The following GPN1 variants were observed in gnomAD, a reference collection of about 807,000 sequenced individuals.
GPN1 encodes ATP(GTP)-binding protein.
A neutral mutation model predicts 55.9 loss-of-function variants in GPN1; 44 were observed. The ratio of observed to expected loss-of-function variants is 0.79; its 90% CI spans 0.62 to 1.01. GPN1 has a LOEUF of 1.01. Ranked by LOEUF, GPN1 falls within the 50% of genes least tolerant of loss-of-function variation. The pLI, the probability that GPN1 is intolerant of heterozygous loss-of-function variation, is 0.00. For synonymous variants in GPN1, 179 were observed against 162.5 expected (o/e 1.10, Z -0.77); for missense variants, 466 against 462.8 (o/e 1.01, Z -0.06).
At chr2:27,628,526 G>C (rs1172875284), upstream of GPN1, 3 of 1,551,450 alleles carry the variant, frequency 1.9e-6, no homozygotes, top group African/African-American at 2.7e-5. Flanking sequence ...AGTGTGGAAA[G>C]CTCCCGTAGT....
chr2:27,632,653 G>A lies in GPN1; in HGVS notation c.333G>A (p.Lys111=), dbSNP rs760252894. The change falls in exon 5 of 14, where the codon AAG becomes AAA. Residue 111 remains lysine (K), a synonymous_variant. Transcript: ENST00000610189. The part of the protein sequence containing the change: ...RFDQVMKFIE[K]AQNMSKYVLI... The stretch of plus-strand genomic sequence containing the variant: ...TTTAGGTGATGAAATTTATTGAGAA[G>A]GCCCAGAACATGTCCAAGTAAGTGA... 3.1e-6 allele frequency: 5 copies of A among 1,601,188 alleles called. No individual in the cohort carries two copies. The South Asian group carries it at 5.5e-5, about 18-fold the overall frequency.
rs1282362502 is a variant in GPN1, at chr2:27,647,887, C to T, written c.983C>T (p.Thr328Ile). ...HPSDLILTRG[T>I]LDEEDEEADS... is the part of the protein sequence containing the mutation. ...TCTGATTTGATCCTGACTCGAGGAA[C>T]CTTGGATGAAGAGGATGAGGAAGCA... is the stretch of plus-strand genomic sequence containing the variant. The change falls in exon 13 of 14, where the codon ACC becomes ATC. Residue 328 changes from threonine (T) to isoleucine (I), a missense_variant. Physicochemically the swap from Thr to Ile is moderately conservative, Grantham distance 89. Coordinates refer to ENST00000610189, the MANE Select transcript of GPN1 (RefSeq NM_007266.4). 6.2e-6 allele frequency: 10 copies of T among 1,613,812 alleles called. No homozygotes were observed. The highest frequency in any genetic ancestry group is 8.5e-6 in the Non-Finnish European group (10 of 1,179,752).
intron 7 of GPN1, among the ~76,000 whole-genome samples, chr2:27,636,213 C>T (rs891188002): frequency 6.6e-6 from 1 of 152,080 alleles, no homozygotes; most frequent in African/African-American, 2.4e-5. Flanking sequence ...GAGACCCTGT[C>T]TCAAAAAAAT....
chr2:27,630,513 C>T (rs572136391), intron 2 of GPN1, among the ~76,000 whole-genome samples: 77 of 151,278 alleles, frequency 5.1e-4, no homozygotes, highest in African/African-American at 1.8e-3. Context: ...CCTCAGCCTC[C>T]TGCCGCTATG....
chr2:27,631,703 G>A (rs530771240), intron 3 of GPN1, 131 bp from the exon 4 acceptor site: 2 of 698,562 alleles, frequency 2.9e-6, no homozygotes, highest in South Asian at 3.2e-5. Context: ...TTGTATGGTA[G>A]TCAAGGATTA....
intron 6 of GPN1, 32 bp from the exon 7 acceptor site, chr2:27,635,108 T>C: frequency 3.8e-6 from 5 of 1,310,042 alleles, no homozygotes; most frequent in East Asian, 4.6e-5. Flanking sequence ...GTGAGCCCTC[T>C]GACCAAGGCT....
chr2:27,628,504 G>T, upstream of GPN1: 1 of 1,551,502 alleles, frequency 6.4e-7, no homozygotes, highest in Non-Finnish European at 8.7e-7. Flanking sequence ...CAACTCGCGG[G>T]AACAATGTGC....
chr2:27,640,085 C>G lies in GPN1; in HGVS notation c.760C>G (p.Leu254Val). ...SAVLGTGLDELFVQVTSAAEE... is the reference protein window; with the variant it reads ...SAVLGTGLDEVFVQVTSAAEE... ...TGTTCTGGGTACTGGATTAGATGAA[C>G]TCTTTGTGCAAGTTACCAGTGCTGC... Residue 254 changes from leucine to valine, a missense_variant, in exon 10 of 14, where the codon CTC (leucine) becomes GTC (valine). Coordinates refer to ENST00000610189, the MANE Select transcript of GPN1 (RefSeq NM_007266.4). The G allele has an allele frequency of 6.2e-7, 1 of 1,613,220 alleles. No individual in the cohort carries two copies. The highest frequency in any genetic ancestry group is 1.1e-5 in the South Asian group (1 of 91,068).
At chr2:27,629,277 G>T in intron 1 of GPN1, 108 bp downstream of exon 1, 1 of 1,451,040 alleles carries the variant, frequency 6.9e-7, no homozygotes, top group Non-Finnish European at 9.5e-7. Flanking sequence ...ACCGGCGCAT[G>T]GCTTTCGGGG....
chr2:27,635,527 A>G (rs1379465203), intron 7 of GPN1, among the ~76,000 whole-genome samples: 1 of 152,210 alleles, frequency 6.6e-6, no homozygotes, highest in Non-Finnish European at 1.5e-5. Context: ...ATAAAATCCA[A>G]GTTTAAAGAT....
chr2:27,632,556 G>T, intron 4 of GPN1, 77 bp from the exon 5 acceptor site: 1 of 940,544 alleles, frequency 1.1e-6, no homozygotes, highest in East Asian at 2.4e-5. Context: ...TGCCTGTGAG[G>T]TATGCCACCC....
Position 27,650,588 on chromosome 2 carries a change from T to G in GPN1, c.*388T>G, listed in dbSNP as rs1674482208. On this transcript the variant is annotated 3_prime_UTR_variant, in exon 14 of 14. Coordinates refer to ENST00000610189, the MANE Select transcript of GPN1 (RefSeq NM_007266.4). ...CTATTATTAGGCTAGATGTATAGCC[T>G]CTACTCCCCCAGCTTCTTGCTCTTG... The G allele has an allele frequency of 6.4e-6, 1 of 155,290 alleles. No homozygotes were observed. 9.6% of individuals were successfully genotyped at this position (155,290 alleles called of 1,614,324 possible).
At position 27,650,172 on chromosome 2, in the gene GPN1, C is replaced by T; in HGVS notation, c.1097C>T (p.Ala366Val). ...CAGAATTTTATGCAAGAATCGATGG[C>T]ACAATACTGGAAGAGAAACAATAAA... ...AFQNFMQESM[A>V]QYWKRNNK The change falls in exon 14 of 14, where the codon GCA (alanine) becomes GTA (valine). Residue 366 changes from alanine (A) to valine (V), a missense_variant. Physicochemically the swap from Ala to Val is moderately conservative, Grantham distance 64 (BLOSUM62 0). Transcript: ENST00000610189. The T allele has an allele frequency of 6.2e-7, 1 of 1,601,506 alleles. No individual in the cohort carries two copies. Among genetic ancestry groups the T allele is most frequent in the Non-Finnish European group, 8.6e-7 (1 of 1,168,708 alleles).
chr2:27,628,784 G>C, upstream of GPN1: 1 of 1,522,580 alleles, frequency 6.6e-7, no homozygotes, highest in Non-Finnish European at 8.8e-7. Context: ...CTTCCTCCGG[G>C]AGACAAAAGC....
At chr2:27,636,602 C>T (rs1403076144) in intron 7 of GPN1, among the ~76,000 whole-genome samples, 5 of 152,082 alleles carry the variant, frequency 3.3e-5, no homozygotes, top group African/African-American at 1.2e-4. Context: ...TCAGGTGATT[C>T]TCCTGCCTCA....
intron 7 of GPN1, among the ~76,000 whole-genome samples, chr2:27,637,506 G>T (rs940301581): frequency 6.6e-6 from 1 of 152,054 alleles, no homozygotes. Context: ...CTCAATAAAG[G>T]TAGGGGTAGA....
chr2:27,639,075 T>C (rs1179893494), intron 9 of GPN1, 44 bp downstream of exon 9: 2 of 1,496,914 alleles, frequency 1.3e-6, no homozygotes, highest in East Asian at 2.3e-5. Flanking sequence ...CTCCAGATAA[T>C]CTGTTAACCC....
At chr2:27,642,954 T>TACACACACACACACACAC (rs1270219794) in intron 12 of GPN1, among the ~76,000 whole-genome samples, 630 of 46,694 alleles carry the variant, frequency 0.013, 16 homozygotes, top group Admixed American at 0.069. Context: ...TATATATATA[T>TACACACACACACACACAC]ATATACACAC....
chr2:27,637,751 G>C (rs967310404), intron 7 of GPN1, among the ~76,000 whole-genome samples: 1 of 152,148 alleles, frequency 6.6e-6, no homozygotes, highest in Non-Finnish European at 1.5e-5. Context: ...AGACATTCTA[G>C]ACACTGACAT....
Sources: gnomAD v4.1 joint callset for allele counts (sites outside exome capture counted in the v4.1 genomes callset) on GRCh38, gnomAD v4.1.1 for gene constraint, MANE v1.5 for transcripts, NCBI Gene and HGNC (gene_info 2026-07-23, HGNC 2026-07-21) for gene names.